The following MCM3AP variants were observed in gnomAD, a reference collection of about 807,000 sequenced individuals.
MCM3AP encodes the protein germinal-center associated nuclear protein.
A neutral mutation model predicts 184.1 loss-of-function variants in MCM3AP; 126 were observed. That is an observed-to-expected ratio of 0.68 (90% CI 0.59 to 0.79). MCM3AP has a LOEUF of 0.79. Ranked by LOEUF, MCM3AP falls within the 30% of genes least tolerant of loss-of-function variation. MCM3AP has a pLI of 0.00. For synonymous variants in MCM3AP, 1,002 were observed against 979.3 expected, an observed-to-expected ratio of 1.02 and a Z score of -0.43; for missense variants, 2,496 against 2,479.2, an observed-to-expected ratio of 1.01 and a Z score of -0.14.
chr21:46,257,494 A>C (rs1237906549), intron 16 of MCM3AP, among the ~76,000 whole-genome samples: 1 of 151,104 alleles, frequency 6.6e-6, no homozygotes, highest in Non-Finnish European at 1.5e-5. Context: ...AAAAAAAAAA[A>C]AAAAAGATAC....
intron 24 of MCM3AP, 165 bp downstream of exon 24, chr21:46,243,300 G>A: frequency 2.3e-6 from 2 of 874,204 alleles, no homozygotes; most frequent in East Asian, 2.4e-5. Flanking sequence ...TTCCTAGCCT[G>A]TCTCAATGTT....
intron 2 of MCM3AP, among the ~76,000 whole-genome samples, chr21:46,282,801 T>C (rs2081350307): frequency 6.6e-6 from 1 of 151,620 alleles, no homozygotes; most frequent in African/African-American, 2.4e-5. Context: ...CAAGACTCCA[T>C]CTCAAAAAAA....
intron 7 of MCM3AP, 71 bp downstream of exon 7, chr21:46,273,317 T>C (rs1403769875): frequency 2.2e-6 from 3 of 1,364,716 alleles, no homozygotes; most frequent in African/African-American, 2.9e-5. Flanking sequence ...TATAACAGAG[T>C]AATAAAAATA....
intron 25 of MCM3AP, chr21:46,241,646 TC>T (rs2080667064): frequency 1.3e-5 from 2 of 152,624 alleles, no homozygotes; most frequent in African/African-American, 4.8e-5. Context: ...ACCATGTTAG[TC>T]TTATTTAAAA....
chr21:46,242,836 G>C lies in MCM3AP; in HGVS notation c.5392C>G (p.Gln1798Glu). 6.2e-7 allele frequency: 1 copy of C among 1,612,944 alleles called. No individual in the cohort carries two copies. The highest frequency in any genetic ancestry group is 2.2e-5 in the East Asian group (1 of 44,860). Residue 1798 changes from glutamine to glutamate, a missense_variant, in exon 25 of 28, where the codon CAG (glutamine) becomes GAG (glutamate). Physicochemically the swap from Gln to Glu is conservative, Grantham distance 29. Transcript: ENST00000291688. Reference protein sequence around the residue: ...VPLSWEQARLQTQKELQLREG... With the variant: ...VPLSWEQARLETQKELQLREG... ...CTCAGCTGTAGCTCCTTCTGCGTCT[G>C]CAACCTGGCTTGTTCCCACGACAAA... is the stretch of plus-strand genomic sequence containing the variant.
chr21:46,235,497 C>G (rs975615330), intron 27 of MCM3AP, 71 bp from the exon 28 acceptor site: 1 of 1,339,224 alleles, frequency 7.5e-7, no homozygotes, highest in African/African-American at 1.4e-5. Context: ...TGGGAAGGTA[C>G]TAGATCTGGA....
At position 46,235,189 on chromosome 21, in the gene MCM3AP, C is replaced by T. The variant is rs1569044929; in HGVS notation, c.*79G>A. ...ATTAATCACATTTCCAACAGTGCAT[C>T]AAGCATCTGAGAATAACATTATTTT... On this transcript the variant is annotated 3_prime_UTR_variant, in exon 28 of 28. Coordinates refer to ENST00000291688, the MANE Select transcript of MCM3AP (RefSeq NM_003906.5). 7.1e-7 allele frequency: 1 copy of T among 1,416,366 alleles called. No individual in the cohort carries two copies. Among genetic ancestry groups the T allele is most frequent in the Non-Finnish European group, 9.8e-7 (1 of 1,015,590 alleles). 87.7% of individuals were successfully genotyped at this position (1,416,366 alleles called of 1,614,324 possible). A position where few individuals can be genotyped will look rare whatever the true frequency, so the allele number is the denominator to read the frequency against.
intron 13 of MCM3AP, among the ~76,000 whole-genome samples, chr21:46,261,617 C>G (rs549429971): frequency 6.6e-6 from 1 of 151,908 alleles, no homozygotes; most frequent in East Asian, 1.9e-4. Context: ...CCTGTAGCCC[C>G]AGCTACTCAG....
chr21:46,239,532 A>T (rs1380410688), intron 26 of MCM3AP, among the ~76,000 whole-genome samples: 1 of 152,258 alleles, frequency 6.6e-6, no homozygotes, highest in Admixed American at 6.5e-5. Flanking sequence ...CGCCATCAAC[A>T]GAGATGACCA....
intron 7 of MCM3AP, 23 bp from the exon 8 acceptor site, chr21:46,272,852 A>ATC (rs758461017): frequency 3.9e-6 from 6 of 1,546,512 alleles, no homozygotes; most frequent in Non-Finnish European, 4.4e-6. Flanking sequence ...GAGGGGGAGG[A>ATC]TCACACACAC....
Position 46,259,002 on chromosome 21 carries a change from T to G in MCM3AP, c.3671A>C (p.Glu1224Ala). 1 of 1,614,054 alleles carries G rather than the reference T, an allele frequency of 6.2e-7. No homozygotes were observed. The highest frequency in any genetic ancestry group is 1.1e-5 in the South Asian group (1 of 91,084). ...GGTCTCCTTTGCAGTCTGGAAGATT[T>G]CCTCCACGAGAAACAAGTCCACTAA... is the stretch of plus-strand genomic sequence containing the variant. The part of the protein sequence containing the change: ...AHLVDLFLVE[E>A]IFQTAKETLQ... The change falls in exon 16 of 28, where the codon GAA (glutamate) becomes GCA (alanine). Residue 1224 changes from glutamate (E) to alanine (A), a missense_variant. Physicochemically the swap from Glu to Ala is moderately radical, Grantham distance 107 (BLOSUM62 -1). Coordinates refer to ENST00000291688, the MANE Select transcript of MCM3AP (RefSeq NM_003906.5).
intron 2 of MCM3AP, among the ~76,000 whole-genome samples, chr21:46,283,299 C>A (rs1218604910): frequency 6.6e-6 from 1 of 152,044 alleles, no homozygotes; most frequent in East Asian, 1.9e-4. Flanking sequence ...AAAACAAAAC[C>A]AAAAAACTCA....
chr21:46,282,661 C>T (rs961716876), intron 2 of MCM3AP, among the ~76,000 whole-genome samples: 1 of 151,736 alleles, frequency 6.6e-6, no homozygotes, highest in Non-Finnish European at 1.5e-5. Context: ...AAAAATTAGC[C>T]GGGTGTGGTG....
At chr21:46,283,172 A>G (rs2081355149) in intron 2 of MCM3AP, among the ~76,000 whole-genome samples, 1 of 152,110 alleles carries the variant, frequency 6.6e-6, no homozygotes, top group Non-Finnish European at 1.5e-5. Context: ...TGATCCGCCC[A>G]CCTTGGCCTC....
At chr21:46,281,115 T>C (rs960253174) in intron 2 of MCM3AP, among the ~76,000 whole-genome samples, 1 of 152,180 alleles carries the variant, frequency 6.6e-6, no homozygotes, top group Non-Finnish European at 1.5e-5. Flanking sequence ...CCCTTTTTTT[T>C]AATTAACAAC....
At chr21:46,239,712 T>C (rs2080617682) in intron 26 of MCM3AP, among the ~76,000 whole-genome samples, 2 of 152,192 alleles carry the variant, frequency 1.3e-5, no homozygotes, top group Admixed American at 6.5e-5. Context: ...GCTGTCAGAA[T>C]AGTGATGTTA....
intron 12 of MCM3AP, 83 bp from the exon 13 acceptor site, chr21:46,264,300 T>C: frequency 1.2e-6 from 1 of 842,660 alleles, no homozygotes; most frequent in East Asian, 2.7e-5. Flanking sequence ...CCGGACAGTC[T>C]GCAGGCGTCT....
At chr21:46,246,204 A>G (rs973155996) in intron 22 of MCM3AP, 103 bp downstream of exon 22, 4 of 722,812 alleles carry the variant, frequency 5.5e-6, no homozygotes, top group African/African-American at 5.3e-5. Context: ...CTGTCTCTTA[A>G]GAAAAAGACA....
chr21:46,266,337 G>A (rs556280695), intron 10 of MCM3AP, 171 bp from the exon 11 acceptor site: 3 of 636,112 alleles, frequency 4.7e-6, no homozygotes, highest in Admixed American at 6.0e-5. Flanking sequence ...GCCTCTGTAG[G>A]TCCCTAGAAC....
Sources: gnomAD v4.1 joint callset for allele counts (sites outside exome capture counted in the v4.1 genomes callset) on GRCh38, gnomAD v4.1.1 for gene constraint, MANE v1.5 for transcripts, NCBI Gene and HGNC (gene_info 2026-07-23, HGNC 2026-07-21) for gene names.